Variants in RNF180 observed in about 807,000 individuals in gnomAD.
RNF180 encodes the protein E3 ubiquitin-protein ligase RNF180.
Under a neutral mutation model 59.2 loss-of-function variants are expected in RNF180, and 38 were observed. The ratio of observed to expected loss-of-function variants is 0.64; its 90% CI spans 0.50 to 0.84. RNF180 has a LOEUF of 0.84. Among genes scored for constraint, RNF180 ranks in the 40% least tolerant of loss-of-function variants. The pLI, the probability that RNF180 is intolerant of heterozygous loss-of-function variation, is 0.00. For synonymous variants in RNF180, 262 were observed against 240.3 expected (o/e 1.09, Z -0.84); for missense variants, 705 against 700.9 (o/e 1.01, Z -0.07).
At position 64,325,413 on chromosome 5, in the gene RNF180, TA is replaced by T; in HGVS notation, c.1453+4del. ...TTTCTAGAGTCTTTTTCCAAACAGGTAACAATTCTCTTTCATTAACATGATT... is the reference window on the plus strand; with the variant it reads ...TTTCTAGAGTCTTTTTCCAAACAGGTACAATTCTCTTTCATTAACATGATT... On this transcript the variant is annotated splice_donor_region_variant and intron_variant, in intron 6 of 7. Coordinates refer to ENST00000389100, the MANE Select transcript of RNF180 (RefSeq NM_001113561.2). The T allele has an allele frequency of 6.6e-7, 1 of 1,517,228 alleles. No homozygotes were observed. The highest frequency in any genetic ancestry group is 1.4e-5 in the African/African-American group (1 of 72,428). The allele number at this position is 1,517,228 out of a possible 1,614,324, so 94.0% of individuals were successfully genotyped here. A position where few individuals can be genotyped will look rare whatever the true frequency, so the allele number is the denominator to read the frequency against.
chr5:64,223,627 C>G (rs1387775857), intron 5 of RNF180, among the ~76,000 whole-genome samples: 1 of 152,138 alleles, frequency 6.6e-6, no homozygotes, highest in East Asian at 1.9e-4. Context: ...AGTTTGTGCC[C>G]TTAACCATTA....
At chr5:64,290,702 C>T (rs1017185477) in intron 5 of RNF180, among the ~76,000 whole-genome samples, 2 of 152,080 alleles carry the variant, frequency 1.3e-5, no homozygotes, top group Non-Finnish European at 2.9e-5. Context: ...GCAACCCCTG[C>T]CTTTTTCAGT....
At chr5:64,345,164 C>T (rs1167723230) in intron 7 of RNF180, among the ~76,000 whole-genome samples, 1 of 152,148 alleles carries the variant, frequency 6.6e-6, no homozygotes, top group Non-Finnish European at 1.5e-5. Context: ...GTTTATGCAC[C>T]TCCAACACTC....
At chr5:64,359,686 T>C (rs1410488518) in intron 7 of RNF180, among the ~76,000 whole-genome samples, 3 of 151,750 alleles carry the variant, frequency 2.0e-5, no homozygotes, top group South Asian at 2.1e-4. Context: ...TTGCTTTTGG[T>C]GTTTTAGACA....
chr5:64,339,018 A>ATATCT (rs1745247990), intron 7 of RNF180, among the ~76,000 whole-genome samples: 1 of 151,764 alleles, frequency 6.6e-6, no homozygotes, highest in South Asian at 2.1e-4. Flanking sequence ...CTAAGTTTAT[A>ATATCT]TATCTTTTTG....
chr5:64,298,989 G>C (rs1465482010), intron 5 of RNF180, among the ~76,000 whole-genome samples: 1 of 151,956 alleles, frequency 6.6e-6, no homozygotes, highest in African/African-American at 2.4e-5. Flanking sequence ...TAAGCCCCAA[G>C]GTGATGGTGT....
intron 5 of RNF180, among the ~76,000 whole-genome samples, chr5:64,247,683 C>T (rs1215057360): frequency 1.3e-5 from 2 of 152,180 alleles, no homozygotes; most frequent in East Asian, 3.9e-4. Flanking sequence ...GACCATAGTG[C>T]ACAAAGTAAT....
Position 64,182,023 on chromosome 5 carries a change from G to T in RNF180, c.-1+16070G>T, listed in dbSNP as rs570205596. Among the ~76,000 whole-genome samples the T allele has an allele frequency of 1.4e-4, 17 of 123,026 alleles. 1 individual carries two copies. The East Asian group carries it at 3.8e-3, about 28-fold the overall frequency. 80.7% of individuals were successfully genotyped at this position (123,026 alleles called of 152,430 possible). ...TTTTTTTTTTTTGAGACAGAGTCTCGCTCTGTCTTCCAGGCTGGAGTGCAG... is the reference window on the plus strand; with the variant it reads ...TTTTTTTTTTTTGAGACAGAGTCTCTCTCTGTCTTCCAGGCTGGAGTGCAG... On this transcript the variant is annotated intron_variant, in intron 1 of 7. Coordinates refer to ENST00000389100, the MANE Select transcript of RNF180 (RefSeq NM_001113561.2).
At chr5:64,279,542 AAAAAGTATTT>A (rs1741897487) in intron 5 of RNF180, among the ~76,000 whole-genome samples, 1 of 152,204 alleles carries the variant, frequency 6.6e-6, no homozygotes, top group South Asian at 2.1e-4. Context: ...TCTTATTTTA[AAAAAGTATTT>A]AAAAGTATGC....
chr5:64,219,662 C>T (rs933154083), intron 5 of RNF180, among the ~76,000 whole-genome samples: 6 of 149,940 alleles, frequency 4.0e-5, no homozygotes, highest in African/African-American at 1.2e-4. Flanking sequence ...TACAAGCGCA[C>T]GCCACCACGC....
At chr5:64,194,252 G>A (rs1275696034) in intron 1 of RNF180, among the ~76,000 whole-genome samples, 1 of 152,098 alleles carries the variant, frequency 6.6e-6, no homozygotes, top group East Asian at 1.9e-4. Context: ...AGAACATGCA[G>A]TGTTTGGTTT....
At chr5:64,182,013 A>T (rs1318219603) in intron 1 of RNF180, among the ~76,000 whole-genome samples, 1 of 125,502 alleles carries the variant, frequency 8.0e-6, no homozygotes. Flanking sequence ...TTTTTTTGAG[A>T]CAGAGTCTCG....
At chr5:64,168,948 T>C (rs193084002) in intron 1 of RNF180, among the ~76,000 whole-genome samples, 31 of 152,294 alleles carry the variant, frequency 2.0e-4, no homozygotes, top group African/African-American at 7.2e-4. Flanking sequence ...AGTTGGTTTT[T>C]GTAAGGTGGA....
intron 5 of RNF180, among the ~76,000 whole-genome samples, chr5:64,294,178 ATAATT>A (rs1370352655): frequency 2.0e-5 from 3 of 152,190 alleles, no homozygotes; most frequent in Admixed American, 6.5e-5. Flanking sequence ...ACATTTAAAA[ATAATT>A]TAAAGGGTAT....
intron 1 of RNF180, among the ~76,000 whole-genome samples, chr5:64,172,462 C>G (rs1323670666): frequency 6.6e-6 from 1 of 151,924 alleles, no homozygotes; most frequent in Non-Finnish European, 1.5e-5. Context: ...GATTTAGGAA[C>G]CTGTAGATGG....
intron 5 of RNF180, among the ~76,000 whole-genome samples, chr5:64,276,429 GAA>G (rs1422016141): frequency 6.7e-6 from 1 of 150,112 alleles, no homozygotes; most frequent in Non-Finnish European, 1.5e-5. Context: ...AAGGAGAAAG[GAA>G]TAAAGCAGGA....
rs145598166 is a variant in RNF180 at position 64,200,803 on chromosome 5, C to A, written c.1-5C>A. ...CATTCTAAAAATGCACTAATGTTTC[C>A]GCAGATGAAAAGAAGCAAAGAATTG... On this transcript the variant is annotated splice_region_variant and splice_polypyrimidine_tract_variant and intron_variant, in intron 1 of 7. Transcript: ENST00000389100. 1 of 1,608,798 alleles carries A rather than the reference C, an allele frequency of 6.2e-7. No homozygotes were observed. The highest frequency in any genetic ancestry group is 2.2e-5 in the East Asian group (1 of 44,810).
chr5:64,214,822 A>G (rs1013217465), intron 4 of RNF180, among the ~76,000 whole-genome samples: 1 of 152,180 alleles, frequency 6.6e-6, no homozygotes. Flanking sequence ...TTTTAAATGT[A>G]TGACATATTA....
intron 5 of RNF180, among the ~76,000 whole-genome samples, chr5:64,290,101 T>G (rs1297985704): frequency 6.6e-6 from 1 of 152,246 alleles, no homozygotes; most frequent in East Asian, 1.9e-4. Context: ...CTCATTAGTT[T>G]CAAAGAACTT....
Sources: allele counts gnomAD v4.1 joint callset (sites outside exome capture counted in the v4.1 genomes callset), GRCh38; gene constraint gnomAD v4.1.1; transcripts MANE v1.5; gene names NCBI Gene and HGNC (gene_info 2026-07-23, HGNC 2026-07-21).